Variants in TRPC4 observed in about 807,000 individuals in gnomAD.
The protein encoded by TRPC4 is short transient receptor potential channel 4.
In TRPC4, 49 loss-of-function variants were observed where a neutral mutation model predicts 99.4. The ratio of observed to expected loss-of-function variants is 0.49; its 90% CI spans 0.39 to 0.63. The LOEUF (loss-of-function observed/expected upper bound fraction) is 0.63, where lower values mean the gene tolerates loss of function less well. Among genes scored for constraint, TRPC4 ranks in the 20% least tolerant of loss-of-function variants. TRPC4 has a pLI of 0.00. For synonymous variants in TRPC4, 454 were observed against 425.9 expected, an observed-to-expected ratio of 1.07 and a Z score of -0.81; for missense variants, 898 against 1,152.9, an observed-to-expected ratio of 0.78 and a Z score of 3.20.
intron 8 of TRPC4, among the ~76,000 whole-genome samples, chr13:37,645,290 A>C (rs1951836051): frequency 6.6e-6 from 1 of 152,172 alleles, no homozygotes; most frequent in South Asian, 2.1e-4. Context: ...TGCTGCAAGG[A>C]AACTCCGGAA....
At chr13:37,750,812 C>T (rs1390339726) in intron 2 of TRPC4, among the ~76,000 whole-genome samples, 3 of 151,914 alleles carry the variant, frequency 2.0e-5, no homozygotes, top group East Asian at 1.9e-4. Context: ...CCCAACCCTC[C>T]GACAGGCCCC....
intron 1 of TRPC4, among the ~76,000 whole-genome samples, chr13:37,821,727 C>G (rs1190921748): frequency 6.6e-6 from 1 of 152,010 alleles, no homozygotes; most frequent in Admixed American, 6.6e-5. Context: ...TCTCTCTATT[C>G]AATAAATGAT....
At chr13:37,765,561 T>G (rs1956341178) in intron 2 of TRPC4, among the ~76,000 whole-genome samples, 1 of 151,416 alleles carries the variant, frequency 6.6e-6, no homozygotes, top group South Asian at 2.1e-4. Flanking sequence ...ACACAGTAAT[T>G]TAGCTAGTTA....
At chr13:37,735,266 T>C (rs1955360990) in intron 3 of TRPC4, among the ~76,000 whole-genome samples, 1 of 152,128 alleles carries the variant, frequency 6.6e-6, no homozygotes, top group Admixed American at 6.6e-5. Context: ...CAGAAGTTTA[T>C]ATCTCAAAAT....
chr13:37,766,763 C>G (rs1430755948), intron 2 of TRPC4, among the ~76,000 whole-genome samples: 4 of 151,312 alleles, frequency 2.6e-5, no homozygotes, highest in Admixed American at 2.0e-4. Context: ...AGCCACATGG[C>G]CTTGACCACA....
chr13:37,668,912 C>A (rs1310136396), intron 5 of TRPC4, among the ~76,000 whole-genome samples: 1 of 152,030 alleles, frequency 6.6e-6, no homozygotes, highest in African/African-American at 2.4e-5. Flanking sequence ...ATTTTCTCTT[C>A]AAGTACATAA....
chr13:37,639,027 T>C lies in TRPC4; in HGVS notation c.2211+13A>G, dbSNP rs760002183. On this transcript the variant is annotated intron_variant, in intron 10 of 10. Coordinates refer to ENST00000379705, the MANE Select transcript of TRPC4 (RefSeq NM_016179.4). The stretch of plus-strand genomic sequence containing the variant: ...CACAATCTGCCTCTTGTGATGAAGA[T>C]GAAAATGGTTACCTTAAAGTTCTCT... The C allele has an allele frequency of 2.5e-6, 4 of 1,613,162 alleles. No homozygotes were observed. The highest frequency in any genetic ancestry group is 1.1e-5 in the South Asian group (1 of 91,064).
intron 2 of TRPC4, among the ~76,000 whole-genome samples, chr13:37,778,116 T>A (rs560811856): frequency 1.5e-4 from 23 of 152,082 alleles, no homozygotes; most frequent in Non-Finnish European, 2.9e-4. Flanking sequence ...GTCTAATTCA[T>A]ATCCTGAATT....
intron 6 of TRPC4, among the ~76,000 whole-genome samples, chr13:37,662,340 C>T (rs9548007): frequency 0.12 from 18,736 of 151,782 alleles, 1,478 homozygotes; most frequent in Middle Eastern, 0.25. Context: ...TCTTTAAGAT[C>T]CATGGATGTA....
At chr13:37,833,499 C>T (rs935487056) in intron 1 of TRPC4, among the ~76,000 whole-genome samples, 13 of 152,116 alleles carry the variant, frequency 8.5e-5, no homozygotes, top group Admixed American at 4.6e-4. Flanking sequence ...GGGCAGCTGA[C>T]GATCTTAAAA....
chr13:37,711,553 T>C (rs1173143530), intron 3 of TRPC4, among the ~76,000 whole-genome samples: 1 of 152,052 alleles, frequency 6.6e-6, no homozygotes, highest in Non-Finnish European at 1.5e-5. Context: ...TGTGAATAAA[T>C]TTGAAGTTCA....
At chr13:37,671,503 G>C (rs1017368014) in intron 5 of TRPC4, among the ~76,000 whole-genome samples, 2 of 150,848 alleles carry the variant, frequency 1.3e-5, no homozygotes, top group South Asian at 4.2e-4. Flanking sequence ...CAAATGAGGA[G>C]ACACATTAAA....
intron 1 of TRPC4, among the ~76,000 whole-genome samples, chr13:37,819,741 A>G (rs866299180): frequency 1.5e-4 from 23 of 152,080 alleles, no homozygotes; most frequent in African/African-American, 4.3e-4. Context: ...TACTTGGGTG[A>G]CAAAATAATC....
chr13:37,687,637 T>C (rs1953530385), intron 4 of TRPC4, among the ~76,000 whole-genome samples: 1 of 152,194 alleles, frequency 6.6e-6, no homozygotes, highest in African/African-American at 2.4e-5. Context: ...AAAAATAAAT[T>C]TATCATATTC....
At chr13:37,851,980 T>C (rs765994172) in intron 1 of TRPC4, among the ~76,000 whole-genome samples, 1 of 152,158 alleles carries the variant, frequency 6.6e-6, no homozygotes, top group Non-Finnish European at 1.5e-5. Context: ...ATCCCAGTGG[T>C]CAGAACTCAA....
At chr13:37,665,649 G>A (rs890033954) in intron 5 of TRPC4, among the ~76,000 whole-genome samples, 1 of 151,990 alleles carries the variant, frequency 6.6e-6, no homozygotes, top group Non-Finnish European at 1.5e-5. Context: ...TCTGAGGCTA[G>A]GAATGGTGAG....
Position 37,752,075 on chromosome 13 carries a change from C to CTATATATATGTATATATA in TRPC4, c.379-5621_379-5620insTATATATACATATATATA, listed in dbSNP as rs1555266914. ...TACCAAAACCTGATAAAGCAGAAAA[C>CTATATATATGTATATATA]TATATATATATATATATATATGACT... On this transcript the variant is annotated intron_variant, in intron 2 of 10. Transcript: ENST00000379705. Among the ~76,000 whole-genome samples the CTATATATATGTATATATA allele has an allele frequency of 2.1e-3, 152 of 73,952 alleles. 40 individuals are homozygous for CTATATATATGTATATATA. Among genetic ancestry groups the CTATATATATGTATATATA allele is most frequent in the Non-Finnish European group, 3.2e-3 (118 of 36,716 alleles). The allele number at this position is 73,952 out of a possible 152,430, so 48.5% of individuals were successfully genotyped here. A position where few individuals can be genotyped will look rare whatever the true frequency, so the allele number is the denominator to read the frequency against.
Position 37,811,504 on chromosome 13 carries a change from C to G in TRPC4, c.-27-28144G>C, listed in dbSNP as rs553161278. ...TTTCAAACTCCCTCACTTGGGGATA[C>G]AGAACTAAGAATCTGGGGAGAGGCA... is the stretch of plus-strand genomic sequence containing the variant. On this transcript the variant is annotated intron_variant, in intron 1 of 10. Coordinates refer to ENST00000379705, the MANE Select transcript of TRPC4 (RefSeq NM_016179.4). Among the ~76,000 whole-genome samples, 237 of 152,192 alleles carry G rather than the reference C, an allele frequency of 1.6e-3. 1 individual carries two copies. The highest frequency in any genetic ancestry group is 6.8e-3 in the Middle Eastern group (2 of 294).
intron 1 of TRPC4, among the ~76,000 whole-genome samples, chr13:37,807,570 G>T (rs1957557273): frequency 6.6e-6 from 1 of 151,910 alleles, no homozygotes; most frequent in Non-Finnish European, 1.5e-5. Flanking sequence ...CAAACTCGTT[G>T]AGGGCAAGGC....
Sources: allele counts gnomAD v4.1 joint callset (sites outside exome capture counted in the v4.1 genomes callset), GRCh38; gene constraint gnomAD v4.1.1; transcripts MANE v1.5; gene names NCBI Gene and HGNC (gene_info 2026-07-23, HGNC 2026-07-21).